The following TBX1 variants were observed in gnomAD, a reference collection of about 807,000 sequenced individuals.
TBX1 encodes the protein T-box transcription factor 1, also known as T-box transcription factor TBX1.
In TBX1, 16 loss-of-function variants were observed where a neutral mutation model predicts 40.8. The ratio of observed to expected loss-of-function variants is 0.39; its 90% CI spans 0.27 to 0.60. The LOEUF (loss-of-function observed/expected upper bound fraction) is 0.60, where lower values mean the gene tolerates loss of function less well. Ranked by LOEUF, TBX1 falls within the 20% of genes least tolerant of loss-of-function variation. The pLI is 0.51. For synonymous variants in TBX1, 403 were observed against 336.8 expected (o/e 1.20, Z -2.15); for missense variants, 755 against 728.5 (o/e 1.04, Z -0.42).
At chr22:19,780,374 C>T (rs941842470), downstream of TBX1, among the ~76,000 whole-genome samples, 2 of 152,206 alleles carry the variant, frequency 1.3e-5, no homozygotes, top group African/African-American at 4.8e-5. Context: ...CAGCATTTGT[C>T]TTTTTGTGGC....
Position 19,764,994 on chromosome 22 carries a change from T to C in TBX1, c.748T>C (p.Phe250Leu). The change falls in exon 4 of 7, where the codon TTC (phenylalanine) becomes CTC (leucine). Residue 250 changes from phenylalanine (F) to leucine (L), a missense_variant. Phe to Leu is a conservative substitution (Grantham distance 22, BLOSUM62 0). Around this residue, in one of 3 missense-constraint regions of TBX1, gnomAD observed 144 missense variants for 238.0 expected, o/e 0.61. Transcript: ENST00000649276. ...TTCCATGCACAGATACCAGCCCCGC[T>C]TCCACGTGGTCTATGTGGACCCACG... ...LNSMHRYQPR[F>L]HVVYVDPRKD... 1 of 1,614,160 alleles carries C rather than the reference T, an allele frequency of 6.2e-7. No homozygotes were observed. The highest frequency in any genetic ancestry group is 1.1e-5 in the South Asian group (1 of 91,078).
Position 19,766,563 on chromosome 22 carries a change from C to A in TBX1, c.1211C>A (p.Pro404His), listed in dbSNP as rs773195263. Reference protein sequence around the residue: ...LPGAPGGRPSPPNPELRLEAP... With the variant: ...LPGAPGGRPSHPNPELRLEAP... ...GGCGCGCCCGGAGGCCGGCCCAGTCCCCCGAACCCCGAGCTGCGCCTGGAG... is the reference window on the plus strand; with the variant it reads ...GGCGCGCCCGGAGGCCGGCCCAGTCACCCGAACCCCGAGCTGCGCCTGGAG... Residue 404 changes from proline to histidine, a missense_variant, in exon 7 of 7, where the codon CCC becomes CAC. Physicochemically the swap from Pro to His is moderately conservative, Grantham distance 77. This residue lies in a region of TBX1 where 412 missense variants were observed against 317.6 expected (regional missense o/e 1.30). Transcript: ENST00000649276. The A allele has an allele frequency of 7.0e-7, 1 of 1,428,382 alleles. No homozygotes were observed. Among genetic ancestry groups the A allele is most frequent in the Non-Finnish European group, 9.2e-7 (1 of 1,091,594 alleles). 88.5% of individuals were successfully genotyped at this position (1,428,382 alleles called of 1,614,324 possible). A position where few individuals can be genotyped will look rare whatever the true frequency, so the allele number is the denominator to read the frequency against.
chr22:19,763,841 G>T (rs1936745823), intron 2 of TBX1: 2 of 517,058 alleles, frequency 3.9e-6, no homozygotes, highest in Non-Finnish European at 3.5e-6. Flanking sequence ...GGCCAAGTGT[G>T]GGCTCCCACC....
In TBX1 at chr22:19,761,002, G is replaced by C. The variant is rs1219905031; in HGVS notation, c.159G>C (p.Pro53=). The C allele has an allele frequency of 2.1e-5, 17 of 793,186 alleles. No homozygotes were observed. The highest frequency in any genetic ancestry group is 6.5e-5 in the Admixed American group (1 of 15,462). 49.1% of individuals were successfully genotyped at this position (793,186 alleles called of 1,614,324 possible). ...ACCCGTACGGCCCGCGCGAGCCCCC[G>C]CCGCCGCCGCCGCGCTACGACCCGT... is the stretch of plus-strand genomic sequence containing the variant. The part of the protein sequence containing the change: ...GADPYGPREP[P]PPPPRYDPCA... The change falls in exon 1 of 7, where the codon CCG becomes CCC. Residue 53 remains proline, a synonymous_variant. Transcript: ENST00000649276.
At position 19,761,275 on chromosome 22, in the gene TBX1, C is replaced by T. The variant is rs1421804686; in HGVS notation, c.432C>T (p.Ala144=). Residue 144 remains alanine (A), a synonymous_variant, in exon 1 of 7, where the codon GCC becomes GCT. Transcript: ENST00000649276. ...QLGTEMIVTK[A]GRRMFPTFQV... is the part of the protein sequence containing the mutation. ...GCACCGAGATGATCGTCACCAAGGC[C>T]GGCAGGTCAGGGCGCCCCTCCCCAC... 9.0e-6 allele frequency: 14 copies of T among 1,554,060 alleles called. No individual in the cohort carries two copies. Among genetic ancestry groups the T allele is most frequent in the South Asian group, 1.1e-5 (1 of 87,424 alleles).
In TBX1 at chr22:19,765,979, C is replaced by G. The variant is rs759090563; in HGVS notation, c.1013C>G (p.Thr338Arg). Residue 338 changes from threonine (T) to arginine (R), a missense_variant, in exon 6 of 7, where the codon ACG (threonine) becomes AGG (arginine). Around this residue, in one of 3 missense-constraint regions of TBX1, gnomAD observed 412 missense variants for 317.6 expected, o/e 1.30. Transcript: ENST00000649276. ...TCGCGGAACCCCGTGGCTTCCCCGA[C>G]GCAGCCCAGCGGCACGGAGAAAGGT... ...ARSRNPVASP[T>R]QPSGTEKDAA... The G allele has an allele frequency of 1.3e-6, 2 of 1,514,510 alleles. No homozygotes were observed. Among genetic ancestry groups the G allele is most frequent in the East Asian group, 2.7e-5 (1 of 37,470 alleles). The allele number at this position is 1,514,510 out of a possible 1,614,324, so 93.8% of individuals were successfully genotyped here.
downstream of TBX1, among the ~76,000 whole-genome samples, chr22:19,768,767 C>T (rs894725214): frequency 6.6e-6 from 1 of 152,006 alleles, no homozygotes; most frequent in Non-Finnish European, 1.5e-5. Context: ...GAGGAAAAGC[C>T]CTCCCCTGAA....
chr22:19,769,022 G>A (rs1289418118), downstream of TBX1, among the ~76,000 whole-genome samples: 1 of 145,020 alleles, frequency 6.9e-6, no homozygotes, highest in Non-Finnish European at 1.5e-5. Flanking sequence ...ATGCCGTGGT[G>A]CGATCTCGGC....
intron 1 of TBX1, among the ~76,000 whole-genome samples, chr22:19,762,419 G>A (rs528122727): frequency 3.9e-5 from 6 of 152,334 alleles, no homozygotes; most frequent in Non-Finnish European, 7.3e-5. Flanking sequence ...CAATCCTTGT[G>A]TTGTCCTGAA....
At chr22:19,757,255 C>T (rs1936507897), upstream of TBX1, among the ~76,000 whole-genome samples, 1 of 152,180 alleles carries the variant, frequency 6.6e-6, no homozygotes, top group Admixed American at 6.5e-5. Context: ...CTCTTCTCTG[C>T]TGTGGCAAGC....
downstream of TBX1, among the ~76,000 whole-genome samples, chr22:19,767,804 C>A (rs762606804): frequency 6.6e-6 from 1 of 152,178 alleles, no homozygotes. Flanking sequence ...GGGGAGAAGC[C>A]CCTGACCGGG....
At chr22:19,769,010 G>A (rs111446398), downstream of TBX1, among the ~76,000 whole-genome samples, 519 of 141,684 alleles carry the variant, frequency 3.7e-3, 5 homozygotes, top group African/African-American at 0.012. Flanking sequence ...GCCCAGGCCG[G>A]AATGCCGTGG....
intron 1 of TBX1, among the ~76,000 whole-genome samples, chr22:19,762,594 C>T (rs1367973961): frequency 6.6e-6 from 1 of 152,190 alleles, no homozygotes; most frequent in African/African-American, 2.4e-5. Context: ...TGAGTACACT[C>T]TGGGTAGCTG....
intron 6 of TBX1, 50 bp from the exon 7 acceptor site, chr22:19,766,339 C>T (rs1361947091): frequency 9.7e-6 from 12 of 1,241,914 alleles, no homozygotes; most frequent in Non-Finnish European, 1.2e-5. Context: ...GGCGTCGGAG[C>T]TCCTCGGCGG....
chr22:19,766,238 G>A, intron 6 of TBX1, 151 bp from the exon 7 acceptor site: 4 of 1,125,554 alleles, frequency 3.6e-6, no homozygotes, highest in Non-Finnish European at 4.4e-6. Flanking sequence ...TCGGGGCGCC[G>A]GCGACTTGGG....
chr22:19,764,256 A>G lies in TBX1; in HGVS notation c.641A>G (p.Gln214Arg). ...YHPDSPAKGA[Q>R]WMKQIVSFDK... is the part of the protein sequence containing the mutation. Reference sequence around the variant, plus strand: ...CCGGACTCGCCTGCCAAGGGCGCGCAGTGGATGAAGCAAATCGTGTCCTTC... The same window carrying G: ...CCGGACTCGCCTGCCAAGGGCGCGCGGTGGATGAAGCAAATCGTGTCCTTC... Residue 214 changes from glutamine (Q) to arginine (R), a missense_variant, in exon 3 of 7, where the codon CAG becomes CGG. Physicochemically the swap from Gln to Arg is conservative, Grantham distance 43. Transcript: ENST00000649276. The G allele has an allele frequency of 3.1e-6, 5 of 1,613,434 alleles. No individual in the cohort carries two copies. Among genetic ancestry groups the G allele is most frequent in the Non-Finnish European group, 4.2e-6 (5 of 1,179,946 alleles).
chr22:19,780,776 G>GTTTTTT (rs564336679), downstream of TBX1, among the ~76,000 whole-genome samples: 448 of 119,032 alleles, frequency 3.8e-3, 41 homozygotes, highest in African/African-American at 6.4e-3. Flanking sequence ...CTTGTTTTCT[G>GTTTTTT]TTTTTTTTTT....
chr22:19,775,792 C>G (rs1937055982), intron 8 of TBX1, among the ~76,000 whole-genome samples: 1 of 152,172 alleles, frequency 6.6e-6, no homozygotes, highest in African/African-American at 2.4e-5. Flanking sequence ...CCAGGGCCCT[C>G]TCCGCACTCC....
At chr22:19,758,590 G>A (rs1569015664), upstream of TBX1, among the ~76,000 whole-genome samples, 1 of 152,202 alleles carries the variant, frequency 6.6e-6, no homozygotes, top group South Asian at 2.1e-4. Flanking sequence ...GGTGCCGGGG[G>A]GCAGCATACG....
Sources: gnomAD v4.1 joint callset for allele counts (sites outside exome capture counted in the v4.1 genomes callset) on GRCh38, gnomAD v4.1.1 for gene constraint, gnomAD v4.1.1 regional missense constraint, MANE v1.5 for transcripts, NCBI Gene and HGNC (gene_info 2026-07-23, HGNC 2026-07-21) for gene names.